CADPS2: variants seen among roughly 807,000 people sequenced by gnomAD.
The protein encoded by CADPS2 is calcium dependent secretion activator 2, also known as calcium-dependent secretion activator 2.
CADPS2 carries 93 observed loss-of-function variants against 172.5 expected under a neutral mutation model. That is an observed-to-expected ratio of 0.54 (90% CI 0.46 to 0.64). The LOEUF (loss-of-function observed/expected upper bound fraction) is 0.64. Among genes scored for constraint, CADPS2 ranks in the 30% least tolerant of loss-of-function variants. CADPS2 has a pLI of 0.00. For synonymous variants in CADPS2, 546 were observed against 555.2 expected, an observed-to-expected ratio of 0.98 and a Z score of 0.23; for missense variants, 1,420 against 1,565.9, an observed-to-expected ratio of 0.91 and a Z score of 1.57.
At chr7:122,647,421 T>C (rs1173129878) in intron 3 of CADPS2, among the ~76,000 whole-genome samples, 1 of 152,194 alleles carries the variant, frequency 6.6e-6, no homozygotes, top group Admixed American at 6.6e-5. Flanking sequence ...ATCATGAAAA[T>C]ACTTTGCACG....
At chr7:122,577,302 C>A (rs1187417835) in intron 7 of CADPS2, among the ~76,000 whole-genome samples, 1 of 152,102 alleles carries the variant, frequency 6.6e-6, no homozygotes, top group African/African-American at 2.4e-5. Context: ...CAGAACAGTT[C>A]CTTCACTCTA....
intron 17 of CADPS2, among the ~76,000 whole-genome samples, chr7:122,422,373 C>T (rs990197095): frequency 3.9e-5 from 6 of 152,150 alleles, no homozygotes; most frequent in African/African-American, 1.4e-4. Flanking sequence ...CAAGGACTGT[C>T]AGCCTACTCT....
intron 4 of CADPS2, among the ~76,000 whole-genome samples, chr7:122,623,089 C>T (rs2075757236): frequency 6.6e-6 from 1 of 152,082 alleles, no homozygotes; most frequent in African/African-American, 2.4e-5. Flanking sequence ...TAAATATCTA[C>T]ATTAAAAATT....
In CADPS2 at chr7:122,842,501, G is replaced by T. The variant is rs181685157; in HGVS notation, c.339+43498C>A. 2.7e-3 allele frequency among the ~76,000 whole-genome samples: 414 copies of T among 152,124 alleles called. 1 individual carries two copies. The highest frequency in any genetic ancestry group is 9.6e-3 in the African/African-American group (400 of 41,490). Reference sequence around the variant, plus strand: ...CTATTTCCTCTTTAACCACCACAAAGACTTTGATGCTTAATATCAAAAACC... The same window carrying T: ...CTATTTCCTCTTTAACCACCACAAATACTTTGATGCTTAATATCAAAAACC... On this transcript the variant is annotated intron_variant, in intron 1 of 29. Coordinates refer to ENST00000449022, the MANE Select transcript of CADPS2 (RefSeq NM_017954.11).
intron 25 of CADPS2, among the ~76,000 whole-genome samples, chr7:122,373,537 C>T (rs974849498): frequency 6.6e-6 from 1 of 152,100 alleles, no homozygotes; most frequent in African/African-American, 2.4e-5. Flanking sequence ...AACAGCTGGC[C>T]CACACAACAT....
chr7:122,631,776 TG>T (rs1305731490), intron 3 of CADPS2, among the ~76,000 whole-genome samples: 2 of 152,026 alleles, frequency 1.3e-5, no homozygotes, highest in East Asian at 3.9e-4. Flanking sequence ...AGGTTGAGGT[TG>T]GGGATATGGA....
At chr7:122,839,540 G>A (rs1356218971) in intron 1 of CADPS2, among the ~76,000 whole-genome samples, 2 of 152,040 alleles carry the variant, frequency 1.3e-5, no homozygotes, top group South Asian at 4.2e-4. Context: ...TCTGACAAAG[G>A]GCTAATATCC....
rs548255055 is a variant in CADPS2 at position 122,391,326 on chromosome 7, T to C, written c.3008+1870A>G. ...ATTTGTCATTATTCCTGTCCTGAAA[T>C]TAACATACTTTAAAAAAGGGCCCTC... is the stretch of plus-strand genomic sequence containing the variant. On this transcript the variant is annotated intron_variant, in intron 22 of 29. Coordinates refer to ENST00000449022, the MANE Select transcript of CADPS2 (RefSeq NM_017954.11). 5.9e-5 allele frequency among the ~76,000 whole-genome samples: 9 copies of C among 152,126 alleles called. No individual in the cohort carries two copies. In the South Asian group the frequency reaches 1.9e-3, roughly 31 times the overall value.
At chr7:122,880,904 A>G (rs1303655857) in intron 1 of CADPS2, among the ~76,000 whole-genome samples, 3 of 152,206 alleles carry the variant, frequency 2.0e-5, no homozygotes, top group Non-Finnish European at 2.9e-5. Context: ...TATGTCCACT[A>G]TTTAATTATT....
intron 1 of CADPS2, among the ~76,000 whole-genome samples, chr7:122,841,407 T>C (rs1810459158): frequency 6.6e-6 from 1 of 152,198 alleles, no homozygotes; most frequent in African/African-American, 2.4e-5. Context: ...CTAAATTAGA[T>C]ATCACCAAGC....
At chr7:122,792,987 C>T (rs1795605147) in intron 1 of CADPS2, among the ~76,000 whole-genome samples, 1 of 152,076 alleles carries the variant, frequency 6.6e-6, no homozygotes, top group East Asian at 1.9e-4. Context: ...GTCCTGAGTG[C>T]AAATGAAAAA....
At chr7:122,853,761 G>A (rs1358379887) in intron 1 of CADPS2, among the ~76,000 whole-genome samples, 1 of 152,218 alleles carries the variant, frequency 6.6e-6, no homozygotes, top group Non-Finnish European at 1.5e-5. Context: ...AGGGGAATTA[G>A]GCTGGAGGAG....
At chr7:122,553,291 C>G (rs1159984886) in intron 8 of CADPS2, among the ~76,000 whole-genome samples, 1 of 152,114 alleles carries the variant, frequency 6.6e-6, no homozygotes, top group Non-Finnish European at 1.5e-5. Context: ...CAGTAGTGCT[C>G]AATACATGCC....
intron 1 of CADPS2, among the ~76,000 whole-genome samples, chr7:122,880,619 G>A (rs1429469419): frequency 6.6e-6 from 1 of 152,104 alleles, no homozygotes; most frequent in African/African-American, 2.4e-5. Flanking sequence ...GAAATCAATT[G>A]GGAAGTTTTA....
intron 4 of CADPS2, among the ~76,000 whole-genome samples, chr7:122,624,016 T>C (rs750944392): frequency 2.0e-5 from 3 of 152,202 alleles, no homozygotes; most frequent in Non-Finnish European, 4.4e-5. Context: ...AATTGGCTCT[T>C]TTATCAGTAT....
chr7:122,621,611 A>G lies in CADPS2; in HGVS notation c.974T>C (p.Val325Ala), dbSNP rs764303440. ...TTTAAATTCCGGACCACCTTTCGAAACTGGAAGACTTTCCAAATTGGCCAT... is the reference window on the plus strand; with the variant it reads ...TTTAAATTCCGGACCACCTTTCGAAGCTGGAAGACTTTCCAAATTGGCCAT... ...LLMANLESLPVSKGGPEFKLQ... is the reference protein window; with the variant it reads ...LLMANLESLPASKGGPEFKLQ... Residue 325 changes from valine to alanine, a missense_variant, in exon 5 of 30, where the codon GTT becomes GCT. Coordinates refer to ENST00000449022, the MANE Select transcript of CADPS2 (RefSeq NM_017954.11). 3 of 1,613,766 alleles carry G rather than the reference A, an allele frequency of 1.9e-6. No individual in the cohort carries two copies. The South Asian group carries it at 3.3e-5, about 18-fold the overall frequency.
chr7:122,402,437 T>C (rs533182476), intron 20 of CADPS2, among the ~76,000 whole-genome samples: 1 of 152,124 alleles, frequency 6.6e-6, no homozygotes, highest in East Asian at 1.9e-4. Flanking sequence ...AGGCATTAGG[T>C]TTCCACAGCT....
chr7:122,874,264 G>T (rs1170190022), intron 1 of CADPS2, among the ~76,000 whole-genome samples: 3 of 152,080 alleles, frequency 2.0e-5, no homozygotes, highest in Non-Finnish European at 2.9e-5. Context: ...GCCAAATCAT[G>T]AGTGAACTCC....
At chr7:122,878,837 T>C (rs905131627) in intron 1 of CADPS2, among the ~76,000 whole-genome samples, 5 of 152,110 alleles carry the variant, frequency 3.3e-5, no homozygotes, top group African/African-American at 7.2e-5. Flanking sequence ...TCGGAACATA[T>C]TGGATAGTGT....
Sources: gnomAD v4.1 joint callset for allele counts (sites outside exome capture counted in the v4.1 genomes callset) on GRCh38, gnomAD v4.1.1 for gene constraint, MANE v1.5 for transcripts, NCBI Gene and HGNC (gene_info 2026-07-23, HGNC 2026-07-21) for gene names.